PARD6G: variants seen among roughly 807,000 people sequenced by gnomAD.
PARD6G encodes partitioning defective 6 homolog gamma.
Under a neutral mutation model 10.7 loss-of-function variants are expected in PARD6G, and 7 were observed. The observed-to-expected ratio is 0.66, with a 90% CI of 0.37 to 1.23. PARD6G has a LOEUF of 1.23. PARD6G is among the 50% of genes most tolerant of loss of function. PARD6G has a pLI of 0.02. For synonymous variants in PARD6G, 287 were observed against 269.4 expected (o/e 1.07, Z -0.64); for missense variants, 548 against 571.8 (o/e 0.96, Z 0.42).
chr18:80,194,058 C>T (rs893154354), intron 2 of PARD6G, among the ~76,000 whole-genome samples: 1 of 152,108 alleles, frequency 6.6e-6, no homozygotes, highest in African/African-American at 2.4e-5. Context: ...ATCTTGCTTA[C>T]GTTTCTGGAA....
chr18:80,185,990 C>T (rs1462086442), intron 2 of PARD6G, among the ~76,000 whole-genome samples: 1 of 101,478 alleles, frequency 9.9e-6, no homozygotes, highest in Non-Finnish European at 1.9e-5. Flanking sequence ...ACGCATATAC[C>T]CTCAGACATG....
chr18:80,166,438 G>A (rs143298690), intron 2 of PARD6G, among the ~76,000 whole-genome samples: 1 of 151,418 alleles, frequency 6.6e-6, no homozygotes, highest in Non-Finnish European at 1.5e-5. Flanking sequence ...TCGGTCATGG[G>A]GGCATCAGGA....
chr18:80,203,930 G>A (rs1023514771), intron 1 of PARD6G, among the ~76,000 whole-genome samples: 9 of 152,086 alleles, frequency 5.9e-5, no homozygotes, highest in South Asian at 2.1e-4. Context: ...TCCTAAAGGC[G>A]ACATGTACAC....
At chr18:80,190,943 C>G (rs1387820473) in intron 2 of PARD6G, among the ~76,000 whole-genome samples, 1 of 152,188 alleles carries the variant, frequency 6.6e-6, no homozygotes, top group Non-Finnish European at 1.5e-5. Flanking sequence ...TTCTGCATCT[C>G]CCTCCACCTA....
chr18:80,224,612 C>A (rs1967268821), intron 1 of PARD6G, among the ~76,000 whole-genome samples: 2 of 152,202 alleles, frequency 1.3e-5, no homozygotes, highest in Admixed American at 1.3e-4. Context: ...CTTTGAGAGG[C>A]CGAGGCGGGC....
chr18:80,190,275 C>T lies in PARD6G; in HGVS notation c.295+12435G>A, dbSNP rs1358839294. 4.6e-5 allele frequency among the ~76,000 whole-genome samples: 7 copies of T among 150,566 alleles called. No homozygotes were observed. In the East Asian group the frequency reaches 1.4e-3, roughly 29 times the overall value. On this transcript the variant is annotated intron_variant, in intron 2 of 2. Coordinates refer to ENST00000353265, the MANE Select transcript of PARD6G (RefSeq NM_032510.4). ...AGAAGCTGTCCTGTGCACCGGCAAA[C>T]AATCCGGGCTCAGGTGGATGAACCC...
chr18:80,238,221 G>A (rs1033892707), intron 1 of PARD6G, among the ~76,000 whole-genome samples: 3 of 152,096 alleles, frequency 2.0e-5, no homozygotes, highest in Non-Finnish European at 4.4e-5. Context: ...AACCATCAGT[G>A]TCAGCAAACT....
intron 1 of PARD6G, among the ~76,000 whole-genome samples, chr18:80,233,076 G>A (rs536058448): frequency 2.5e-4 from 38 of 152,246 alleles, no homozygotes; most frequent in Non-Finnish European, 4.4e-4. Context: ...GACCCCAGCT[G>A]CTCATCTCCT....
In PARD6G at chr18:80,157,938, C is replaced by G. The variant is rs183833458; in HGVS notation, c.*1833G>C. Reference sequence around the variant, plus strand: ...TTCTGCCACTGACCAGCAGGTGGTGCTGGACCACAAGGAGAAGCAGCGGGA... The same window carrying G: ...TTCTGCCACTGACCAGCAGGTGGTGGTGGACCACAAGGAGAAGCAGCGGGA... On this transcript the variant is annotated 3_prime_UTR_variant, in exon 3 of 3. Transcript: ENST00000353265. 65 of 152,460 alleles carry G rather than the reference C, an allele frequency of 4.3e-4. No individual in the cohort carries two copies. The highest frequency in any genetic ancestry group is 1.5e-3 in the African/African-American group (62 of 41,566). The allele number at this position is 152,460 out of a possible 1,614,324, so 9.4% of individuals were successfully genotyped here. A position where few individuals can be genotyped will look rare whatever the true frequency, so the allele number is the denominator to read the frequency against.
chr18:80,186,251 C>G (rs1193285560), intron 2 of PARD6G, among the ~76,000 whole-genome samples: 2 of 148,932 alleles, frequency 1.3e-5, no homozygotes, highest in African/African-American at 2.5e-5. Context: ...TGCATCCTCA[C>G]ACACATGCAC....
intron 2 of PARD6G, among the ~76,000 whole-genome samples, chr18:80,185,118 C>T (rs1360315868): frequency 6.6e-6 from 1 of 152,292 alleles, no homozygotes; most frequent in African/African-American, 2.4e-5. Context: ...GGACTAAAAT[C>T]GACGTTGATG....
At chr18:80,186,878 G>A (rs1462383915) in intron 2 of PARD6G, among the ~76,000 whole-genome samples, 1 of 152,136 alleles carries the variant, frequency 6.6e-6, no homozygotes, top group African/African-American at 2.4e-5. Flanking sequence ...ACTTTGGGAG[G>A]CCGAGGTCGG....
chr18:80,168,215 G>A (rs969017127), intron 2 of PARD6G, among the ~76,000 whole-genome samples: 2 of 152,192 alleles, frequency 1.3e-5, no homozygotes, highest in African/African-American at 4.8e-5. Flanking sequence ...GCAGTGGGAG[G>A]TGCAGGAAGT....
In PARD6G at chr18:80,247,357, C is replaced by A; in HGVS notation, c.-9G>T. ...TGAAAACTTCGGTTCATGGTTTCGGCCCCGGTCAGCCTCGCCGTCGCCCTC... is the reference window on the plus strand; with the variant it reads ...TGAAAACTTCGGTTCATGGTTTCGGACCCGGTCAGCCTCGCCGTCGCCCTC... On this transcript the variant is annotated 5_prime_UTR_variant, in exon 1 of 3. Coordinates refer to ENST00000353265, the MANE Select transcript of PARD6G (RefSeq NM_032510.4). This position sits in a 1 kb window ranked among gnomAD's most constrained non-coding sequence, Gnocchi z 4.2. The A allele has an allele frequency of 6.4e-7, 1 of 1,561,854 alleles. No homozygotes were observed. Among genetic ancestry groups the A allele is most frequent in the Non-Finnish European group, 8.7e-7 (1 of 1,153,708 alleles).
Position 80,247,195 on chromosome 18 carries a change from G to T in PARD6G, c.72+82C>A. ...CGCCGGCGCCTGTCGCCTCCACGCC[G>T]CCCCAGTCCCCCTCCGCGGGGCGCC... On this transcript the variant is annotated intron_variant, in intron 1 of 2. Transcript: ENST00000353265. This position sits in a 1 kb window ranked among gnomAD's most constrained non-coding sequence, Gnocchi z 4.2. 4.3e-6 allele frequency: 5 copies of T among 1,168,264 alleles called. No homozygotes were observed. The highest frequency in any genetic ancestry group is 5.9e-6 in the Non-Finnish European group (5 of 844,480). 72.4% of individuals were successfully genotyped at this position (1,168,264 alleles called of 1,614,324 possible). A position where few individuals can be genotyped will look rare whatever the true frequency, so the allele number is the denominator to read the frequency against.
chr18:80,218,705 G>A (rs1045699061), intron 1 of PARD6G, among the ~76,000 whole-genome samples: 1 of 152,222 alleles, frequency 6.6e-6, no homozygotes, highest in Non-Finnish European at 1.5e-5. Context: ...TGTATGTGGG[G>A]GCTGTGATCT....
chr18:80,194,578 T>A (rs1966932467), intron 2 of PARD6G, among the ~76,000 whole-genome samples: 1 of 152,160 alleles, frequency 6.6e-6, no homozygotes, highest in Admixed American at 6.5e-5. Flanking sequence ...GTGCATGAGC[T>A]ATGGACATTC....
intron 2 of PARD6G, among the ~76,000 whole-genome samples, chr18:80,187,155 C>G (rs924407932): frequency 3.9e-5 from 6 of 151,958 alleles, no homozygotes; most frequent in African/African-American, 1.5e-4. Flanking sequence ...CTCTAATGGT[C>G]TGACACCAGT....
rs2052848063 is a variant in PARD6G at position 80,181,396 on chromosome 18, G to A, written c.296-20790C>T. 6.6e-6 allele frequency among the ~76,000 whole-genome samples: 1 copy of A among 152,136 alleles called. No homozygotes were observed. Among genetic ancestry groups the A allele is most frequent in the African/African-American group, 2.4e-5 (1 of 41,420 alleles). On this transcript the variant is annotated intron_variant, in intron 2 of 2. Coordinates refer to ENST00000353265, the MANE Select transcript of PARD6G (RefSeq NM_032510.4). The surrounding 1 kb of genome is among the most constrained non-coding windows in gnomAD (Gnocchi z 7.9). The stretch of plus-strand genomic sequence containing the variant: ...CACGCTCTGGGCACCGGGGGACCCT[G>A]CGTGCTTGGGTGCATTGCACACCCA...
Sources: gnomAD v4.1 joint callset for allele counts (sites outside exome capture counted in the v4.1 genomes callset) on GRCh38, gnomAD v4.1.1 for gene constraint, Gnocchi (gnomAD v3.1) non-coding constraint, MANE v1.5 for transcripts, NCBI Gene and HGNC (gene_info 2026-07-23, HGNC 2026-07-21) for gene names.